FSTL4: variants seen among roughly 807,000 people sequenced by gnomAD.
The protein encoded by FSTL4 is follistatin-related protein 4.
Under a neutral mutation model 78.2 loss-of-function variants are expected in FSTL4, and 28 were observed. The observed-to-expected ratio is 0.36, with a 90% CI of 0.27 to 0.49. The LOEUF (loss-of-function observed/expected upper bound fraction) is 0.49, where lower values mean the gene tolerates loss of function less well. Among genes scored for constraint, FSTL4 ranks in the 20% least tolerant of loss-of-function variants. The probability of loss-of-function intolerance (pLI) is 0.98; values close to 1 mark genes in which losing one functional copy is unlikely to be tolerated. For synonymous variants in FSTL4, 422 were observed against 440.5 expected, an observed-to-expected ratio of 0.96 and a Z score of 0.53; for missense variants, 922 against 1,084.9, an observed-to-expected ratio of 0.85 and a Z score of 2.11.
intron 4 of FSTL4, among the ~76,000 whole-genome samples, chr5:133,382,302 T>C (rs1434375181): frequency 6.6e-6 from 1 of 152,354 alleles, no homozygotes; most frequent in East Asian, 1.9e-4. Context: ...ATGTACTGCG[T>C]GAGTGAGAAA....
intron 3 of FSTL4, among the ~76,000 whole-genome samples, chr5:133,402,672 A>T (rs1335280351): frequency 1.3e-5 from 2 of 152,234 alleles, no homozygotes; most frequent in Non-Finnish European, 2.9e-5. Context: ...AAAGGAAAAA[A>T]AATCAGTTAT....
rs962948278 is a variant in FSTL4 at position 133,440,634 on chromosome 5, T to C, written c.161-39648A>G. Among the ~76,000 whole-genome samples, 3 of 152,166 alleles carry C rather than the reference T, an allele frequency of 2.0e-5. No individual in the cohort carries two copies. The highest frequency in any genetic ancestry group is 4.4e-5 in the Non-Finnish European group (3 of 68,008). ...GGGTCACCTCCCTGGAGGCACAGGG[T>C]AGTGGCCTGAGTCATTCCACTGGCA... On this transcript the variant is annotated intron_variant, in intron 3 of 15. Transcript: ENST00000265342. This position sits in a 1 kb window ranked among gnomAD's most constrained non-coding sequence, Gnocchi z 4.1.
At chr5:133,568,266 G>T (rs1238597657) in intron 2 of FSTL4, among the ~76,000 whole-genome samples, 1 of 152,116 alleles carries the variant, frequency 6.6e-6, no homozygotes, top group Non-Finnish European at 1.5e-5. Context: ...AAAGCCTAAG[G>T]TTAAAAATAA....
chr5:133,656,982 G>C, the FSTL4 span, among the ~76,000 whole-genome samples: 1 of 152,158 alleles, frequency 6.6e-6, no homozygotes, highest in African/African-American at 2.4e-5. Context: ...ATGGTCAGGG[G>C]TTATAAGTGA....
the FSTL4 span, among the ~76,000 whole-genome samples, chr5:133,707,753 G>T: frequency 6.6e-6 from 1 of 152,174 alleles, no homozygotes; most frequent in East Asian, 1.9e-4. Context: ...CCTGTGGGGT[G>T]AGGGCCACCA....
intron 4 of FSTL4, among the ~76,000 whole-genome samples, chr5:133,365,240 A>G (rs1161502225): frequency 7.4e-6 from 1 of 134,252 alleles, no homozygotes; most frequent in Non-Finnish European, 1.7e-5. Flanking sequence ...TTCTAAAATA[A>G]TAATAATAAT....
intron 3 of FSTL4, among the ~76,000 whole-genome samples, chr5:133,435,519 C>G (rs1479764114): frequency 6.6e-6 from 1 of 152,182 alleles, no homozygotes; most frequent in African/African-American, 2.4e-5. Context: ...GCCACCATAT[C>G]CAACTGCAAT....
intron 3 of FSTL4, among the ~76,000 whole-genome samples, chr5:133,497,262 C>CTGGTTCTGTCACTCAGGTGGCTGTG (rs1758385325): frequency 6.6e-6 from 1 of 152,198 alleles, no homozygotes; most frequent in Non-Finnish European, 1.5e-5. Context: ...AGTTCCAATC[C>CTGGTTCTGTCACTCAGGTGGCTGTG]TGGTTCTGTC....
At chr5:133,827,347 C>T in the FSTL4 span, among the ~76,000 whole-genome samples, 6 of 152,110 alleles carry the variant, frequency 3.9e-5, no homozygotes, top group African/African-American at 9.7e-5. Context: ...AGCAGCGGGG[C>T]GATCAACTGA....
At chr5:133,327,681 A>AG (rs1754247071) in intron 4 of FSTL4, among the ~76,000 whole-genome samples, 1 of 152,166 alleles carries the variant, frequency 6.6e-6, no homozygotes, top group South Asian at 2.1e-4. Context: ...TAAGGGCTTC[A>AG]GGGGGAGGAG....
the FSTL4 span, among the ~76,000 whole-genome samples, chr5:133,737,528 T>C: frequency 1.3e-5 from 2 of 152,030 alleles, no homozygotes; most frequent in Non-Finnish European, 2.9e-5. Flanking sequence ...TTAGGCTGCT[T>C]CCAAATCTTA....
the FSTL4 span, among the ~76,000 whole-genome samples, chr5:133,733,153 A>G: frequency 2.6e-5 from 4 of 152,238 alleles, no homozygotes; most frequent in South Asian, 4.1e-4. Context: ...ACTTTTGTAC[A>G]TAGGAATCAG....
At chr5:133,600,535 C>G (rs1258503252) in intron 2 of FSTL4, among the ~76,000 whole-genome samples, 2 of 152,294 alleles carry the variant, frequency 1.3e-5, no homozygotes, top group East Asian at 3.9e-4. Flanking sequence ...CCACTCCACT[C>G]TTATGAAAGA....
At chr5:133,804,220 C>A in the FSTL4 span, among the ~76,000 whole-genome samples, 3 of 152,210 alleles carry the variant, frequency 2.0e-5, no homozygotes, top group Non-Finnish European at 4.4e-5. Flanking sequence ...ATAAAGGCAA[C>A]AAGACCAAAG....
At chr5:133,784,474 T>C in the FSTL4 span, among the ~76,000 whole-genome samples, 1 of 152,204 alleles carries the variant, frequency 6.6e-6, no homozygotes, top group African/African-American at 2.4e-5. Flanking sequence ...GAATTCATGT[T>C]ATAAGCATAA....
chr5:133,331,647 G>C (rs1227113218), intron 4 of FSTL4, among the ~76,000 whole-genome samples: 1 of 152,220 alleles, frequency 6.6e-6, no homozygotes, highest in Non-Finnish European at 1.5e-5. Flanking sequence ...GACCCAAACA[G>C]AGGGTTTTAG....
chr5:133,254,369 T>C (rs1752333007), intron 6 of FSTL4, among the ~76,000 whole-genome samples: 3 of 152,226 alleles, frequency 2.0e-5, no homozygotes, highest in Admixed American at 1.3e-4. Context: ...CACATACAGC[T>C]CCTGTGTTCT....
Position 133,202,057 on chromosome 5 carries a change from G to A in FSTL4, c.1717-15C>T. 1 of 1,555,492 alleles carries A rather than the reference G, an allele frequency of 6.4e-7. No homozygotes were observed. The highest frequency in any genetic ancestry group is 8.8e-7 in the Non-Finnish European group (1 of 1,136,854). ...TCTGTGATCACCTACAACACAGAGTGGGAATCCTAGTGAGGGCCCATGCAG... is the reference window on the plus strand; with the variant it reads ...TCTGTGATCACCTACAACACAGAGTAGGAATCCTAGTGAGGGCCCATGCAG... On this transcript the variant is annotated splice_polypyrimidine_tract_variant and intron_variant, in intron 14 of 15. Transcript: ENST00000265342.
chr5:133,532,249 G>A (rs1759269019), intron 3 of FSTL4, among the ~76,000 whole-genome samples: 1 of 152,200 alleles, frequency 6.6e-6, no homozygotes, highest in Admixed American at 6.5e-5. Context: ...CTCCCTTAGA[G>A]CATGTAGAAA....
Sources: gnomAD v4.1 joint callset for allele counts (sites outside exome capture counted in the v4.1 genomes callset) on GRCh38, gnomAD v4.1.1 for gene constraint, Gnocchi (gnomAD v3.1) non-coding constraint, MANE v1.5 for transcripts, NCBI Gene and HGNC (gene_info 2026-07-23, HGNC 2026-07-21) for gene names.